CHRM3: variants seen among roughly 807,000 people sequenced by gnomAD.
The protein encoded by CHRM3 is cholinergic receptor muscarinic 3, also known as muscarinic acetylcholine receptor M3.
Under a neutral mutation model 41.8 loss-of-function variants are expected in CHRM3, and 11 were observed. The observed-to-expected ratio is 0.26, with a 90% CI of 0.17 to 0.44. The LOEUF (loss-of-function observed/expected upper bound fraction) is 0.44, where lower values mean the gene tolerates loss of function less well. CHRM3 is among the 20% of genes least tolerant of loss of function. The pLI is 1.00. For missense variants in CHRM3, 571 were observed against 745.4 expected, an observed-to-expected ratio of 0.77 and a Z score of 2.72; for synonymous variants, 297 against 301.4, an observed-to-expected ratio of 0.99 and a Z score of 0.15.
intron 4 of CHRM3, among the ~76,000 whole-genome samples, chr1:239,665,323 G>A (rs930264594): frequency 1.3e-5 from 2 of 151,986 alleles, no homozygotes; most frequent in Non-Finnish European, 2.9e-5. Flanking sequence ...CCTCAGCATC[G>A]TCTGCACTTC....
chr1:239,710,400 A>G (rs1414736684), intron 5 of CHRM3, among the ~76,000 whole-genome samples: 2 of 152,164 alleles, frequency 1.3e-5, no homozygotes, highest in Non-Finnish European at 1.5e-5. Context: ...TATTAATTCC[A>G]TATCTATAGG....
intron 2 of CHRM3, among the ~76,000 whole-genome samples, chr1:239,494,404 A>C (rs1231980442): frequency 6.6e-6 from 1 of 152,130 alleles, no homozygotes; most frequent in Admixed American, 6.5e-5. Context: ...TCAAATCCGT[A>C]CTATGTGCAC....
chr1:239,534,958 A>G (rs1658055056), intron 2 of CHRM3, among the ~76,000 whole-genome samples: 1 of 152,212 alleles, frequency 6.6e-6, no homozygotes, highest in African/African-American at 2.4e-5. Flanking sequence ...AATCCATTCA[A>G]AAATAGTCTA....
intron 5 of CHRM3, among the ~76,000 whole-genome samples, chr1:239,743,533 C>A (rs2148515418): frequency 6.6e-6 from 1 of 152,212 alleles, no homozygotes; most frequent in South Asian, 2.1e-4. Flanking sequence ...CTTGCGGGCA[C>A]TTTACACATA....
intron 3 of CHRM3, among the ~76,000 whole-genome samples, chr1:239,613,072 C>T (rs970351130): frequency 2.0e-5 from 3 of 152,142 alleles, no homozygotes; most frequent in East Asian, 1.9e-4. Flanking sequence ...AGACTGCTGC[C>T]GAAAACTATA....
At chr1:239,528,236 A>G (rs1670135305) in intron 2 of CHRM3, among the ~76,000 whole-genome samples, 1 of 152,198 alleles carries the variant, frequency 6.6e-6, no homozygotes, top group African/African-American at 2.4e-5. Context: ...AGATATGACA[A>G]GTCTTTAGAT....
chr1:239,608,469 T>G (rs977369602), intron 3 of CHRM3, among the ~76,000 whole-genome samples: 3 of 152,230 alleles, frequency 2.0e-5, no homozygotes, highest in African/African-American at 7.2e-5. Flanking sequence ...GCAAGGATAT[T>G]TCCTCCTAGA....
chr1:239,837,794 A>G (rs1673451825), intron 6 of CHRM3, among the ~76,000 whole-genome samples: 1 of 152,138 alleles, frequency 6.6e-6, no homozygotes, highest in Non-Finnish European at 1.5e-5. Context: ...TCCTATCTTA[A>G]CCACTGAGTA....
intron 4 of CHRM3, among the ~76,000 whole-genome samples, chr1:239,656,568 A>G (rs1240460739): frequency 6.6e-6 from 1 of 152,128 alleles, no homozygotes; most frequent in Non-Finnish European, 1.5e-5. Context: ...TTGAGCCCAG[A>G]AAGTGGACAC....
intron 3 of CHRM3, among the ~76,000 whole-genome samples, chr1:239,549,560 C>T (rs1659617548): frequency 6.7e-6 from 1 of 149,752 alleles, no homozygotes; most frequent in Non-Finnish European, 1.5e-5. Context: ...GCCCGGGAGG[C>T]TGAGGCATGA....
At position 239,416,278 on chromosome 1, in the gene CHRM3, C is replaced by T. The variant is rs141418280; in HGVS notation, c.-521+29051C>T. On this transcript the variant is annotated intron_variant, in intron 1 of 6. Coordinates refer to ENST00000676153, the MANE Select transcript of CHRM3 (RefSeq NM_001375978.1). ...ATTCAAACAAATGACCATATACTATCGATACAGGAACTAACCACGGGCATA... is the reference window on the plus strand; with the variant it reads ...ATTCAAACAAATGACCATATACTATTGATACAGGAACTAACCACGGGCATA... Among the ~76,000 whole-genome samples the T allele has an allele frequency of 6.7e-3, 1,012 of 151,946 alleles. 14 individuals carry two copies. Among genetic ancestry groups the T allele is most frequent in the African/African-American group, 0.023 (943 of 41,426 alleles).
chr1:239,481,710 A>T (rs1183271652), intron 1 of CHRM3, among the ~76,000 whole-genome samples: 1 of 152,204 alleles, frequency 6.6e-6, no homozygotes, highest in African/African-American at 2.4e-5. Context: ...GTGGGAGATG[A>T]TATTTGAACA....
intron 4 of CHRM3, among the ~76,000 whole-genome samples, chr1:239,667,090 C>T (rs1051495067): frequency 6.6e-6 from 1 of 152,070 alleles, no homozygotes; most frequent in African/African-American, 2.4e-5. Flanking sequence ...GGTAGATCAT[C>T]TTTATATTTT....
intron 4 of CHRM3, among the ~76,000 whole-genome samples, chr1:239,633,079 T>G (rs181801454): frequency 0.014 from 2,112 of 152,274 alleles, 23 homozygotes; most frequent in Non-Finnish European, 0.023. Context: ...TTCACACCAT[T>G]CTCCTGCCTC....
chr1:239,661,954 C>T (rs1316391419), intron 4 of CHRM3, among the ~76,000 whole-genome samples: 1 of 151,792 alleles, frequency 6.6e-6, no homozygotes, highest in African/African-American at 2.4e-5. Context: ...AGTTTCTGTT[C>T]TACTTTTCTG....
chr1:239,641,266 A>T (rs4428878), intron 4 of CHRM3, among the ~76,000 whole-genome samples: 39,191 of 151,434 alleles, frequency 0.26, 5,765 homozygotes, highest in East Asian at 0.64. Context: ...AGAGTTCTGT[A>T]GATGTCTATT....
intron 3 of CHRM3, among the ~76,000 whole-genome samples, chr1:239,556,194 C>T (rs1386120946): frequency 6.6e-6 from 1 of 152,052 alleles, no homozygotes; most frequent in African/African-American, 2.4e-5. Flanking sequence ...CTGTTAGGTT[C>T]TCTGAATACA....
At chr1:239,641,733 T>G (rs1232084446) in intron 4 of CHRM3, among the ~76,000 whole-genome samples, 2 of 140,898 alleles carry the variant, frequency 1.4e-5, no homozygotes, top group Non-Finnish European at 3.1e-5. Context: ...TGCCAGTCTG[T>G]GTCTTTTAAT....
At chr1:239,710,076 A>T (rs1397594752) in intron 5 of CHRM3, among the ~76,000 whole-genome samples, 2 of 152,218 alleles carry the variant, frequency 1.3e-5, no homozygotes, top group African/African-American at 4.8e-5. Flanking sequence ...CTTGAAAGCT[A>T]GTTAATGTTA....
Sources: gnomAD v4.1 joint callset for allele counts (sites outside exome capture counted in the v4.1 genomes callset) on GRCh38, gnomAD v4.1.1 for gene constraint, MANE v1.5 for transcripts, NCBI Gene and HGNC (gene_info 2026-07-23, HGNC 2026-07-21) for gene names.